Variants in GIN1 observed in about 807,000 individuals in gnomAD.
GIN1 encodes the protein gypsy retrotransposon integrase-like protein 1.
A neutral mutation model predicts 51.4 loss-of-function variants in GIN1; 41 were observed. The observed-to-expected ratio is 0.80, with a 90% CI of 0.62 to 1.04. The LOEUF (loss-of-function observed/expected upper bound fraction) is 1.04, where lower values mean the gene tolerates loss of function less well. GIN1 is among the 50% of genes least tolerant of loss of function. The pLI is 0.00. For synonymous variants in GIN1, 222 were observed against 206.5 expected (o/e 1.07, Z -0.64); for missense variants, 610 against 612.4 (o/e 1.00, Z 0.04).
chr5:103,110,382 T>C (rs782253341), intron 1 of GIN1, among the ~76,000 whole-genome samples: 2 of 152,064 alleles, frequency 1.3e-5, no homozygotes, highest in South Asian at 2.1e-4. Flanking sequence ...AAGGAACTTC[T>C]AAAAATCAAA....
intron 4 of GIN1, among the ~76,000 whole-genome samples, chr5:103,098,649 G>T (rs1231116339): frequency 1.3e-5 from 2 of 151,926 alleles, no homozygotes; most frequent in African/African-American, 4.8e-5. Flanking sequence ...TGTACAGATG[G>T]AGTTTCACCA....
chr5:103,119,023 G>A (rs1053019779), intron 1 of GIN1, among the ~76,000 whole-genome samples: 2 of 150,088 alleles, frequency 1.3e-5, no homozygotes, highest in Non-Finnish European at 3.0e-5. Flanking sequence ...TTGTAGTTTT[G>A]CAAGAGGAAT....
chr5:103,105,395 T>C (rs1191431902), intron 3 of GIN1, among the ~76,000 whole-genome samples: 1 of 152,202 alleles, frequency 6.6e-6, no homozygotes, highest in African/African-American at 2.4e-5. Flanking sequence ...TAAAAAGATC[T>C]TAAGTTTCCT....
At chr5:103,089,337 C>G (rs1427939399) in intron 7 of GIN1, among the ~76,000 whole-genome samples, 1 of 152,208 alleles carries the variant, frequency 6.6e-6, no homozygotes, top group African/African-American at 2.4e-5. Context: ...TTTACCAAAG[C>G]TGATTAACTT....
intron 1 of GIN1, among the ~76,000 whole-genome samples, chr5:103,115,946 A>C (rs1369227241): frequency 2.0e-5 from 3 of 152,076 alleles, no homozygotes; most frequent in Admixed American, 6.5e-5. Flanking sequence ...GAAGAAAATT[A>C]TTTCTTTCTG....
chr5:103,099,513 T>C (rs1474071119), intron 4 of GIN1, among the ~76,000 whole-genome samples: 1 of 152,118 alleles, frequency 6.6e-6, no homozygotes, highest in African/African-American at 2.4e-5. Flanking sequence ...AAAGAATAGG[T>C]GTCATTTGGG....
chr5:103,110,123 T>A (rs257319), intron 1 of GIN1, among the ~76,000 whole-genome samples: 38,779 of 151,146 alleles, frequency 0.26, 5,521 homozygotes, highest in East Asian at 0.45. Context: ...GAAAGATAAA[T>A]AACAATGATT....
chr5:103,108,582 T>A lies in GIN1; in HGVS notation c.126A>T (p.Lys42Asn). 6.3e-7 allele frequency: 1 copy of A among 1,597,418 alleles called. No homozygotes were observed. Among genetic ancestry groups the A allele is most frequent in the Non-Finnish European group, 8.6e-7 (1 of 1,168,662 alleles). Reference sequence around the variant, plus strand: ...CATTAATTTTACCTTTGAAGACAAATTTTTTTGCTGCTCTTCTTATGCCAC... The same window carrying A: ...CATTAATTTTACCTTTGAAGACAAAATTTTTTGCTGCTCTTCTTATGCCAC... ...ERSGIRRAAK[K>N]FVFKEKKLFY... The change falls in exon 2 of 8, where the codon AAA becomes AAT. Residue 42 changes from lysine (K) to asparagine (N), a missense_variant. Lys to Asn is a moderately conservative substitution (Grantham distance 94). Transcript: ENST00000399004.
chr5:103,117,448 G>A (rs1421714903), intron 1 of GIN1, among the ~76,000 whole-genome samples: 1 of 152,024 alleles, frequency 6.6e-6, no homozygotes, highest in East Asian at 1.9e-4. Context: ...TATTGGTCCC[G>A]TAAGATGATA....
intron 4 of GIN1, among the ~76,000 whole-genome samples, chr5:103,098,032 G>A (rs566755629): frequency 2.6e-4 from 39 of 152,054 alleles, no homozygotes; most frequent in Middle Eastern, 3.4e-3. Flanking sequence ...ACAGGTGTGC[G>A]CCACCACACC....
In GIN1 at chr5:103,104,857, C is replaced by T. The variant is rs971674310; in HGVS notation, c.334-11G>A. 6.6e-7 allele frequency: 1 copy of T among 1,520,524 alleles called. No homozygotes were observed. The highest frequency in any genetic ancestry group is 1.4e-5 in the African/African-American group (1 of 72,150). 94.2% of individuals were successfully genotyped at this position (1,520,524 alleles called of 1,614,324 possible). ...CTGACAAGCATATACCTACAACAGG[C>T]ACACAATAAAGAAAACACATACAAA... On this transcript the variant is annotated splice_polypyrimidine_tract_variant and intron_variant, in intron 3 of 7. Transcript: ENST00000399004.
chr5:103,100,111 T>C (rs1164749644), intron 4 of GIN1, among the ~76,000 whole-genome samples: 1 of 150,214 alleles, frequency 6.7e-6, no homozygotes, highest in African/African-American at 2.5e-5. Context: ...CTTTATTTTT[T>C]ATTTTTTTTT....
chr5:103,097,249 A>G (rs962409014), intron 6 of GIN1, 65 bp downstream of exon 6: 35 of 1,009,950 alleles, frequency 3.5e-5, no homozygotes, highest in Non-Finnish European at 5.2e-5. Context: ...ATATGCTGAA[A>G]TTTTAAAAAT....
chr5:103,113,826 G>A (rs1787950970), intron 1 of GIN1, among the ~76,000 whole-genome samples: 1 of 152,042 alleles, frequency 6.6e-6, no homozygotes. Context: ...CCAGCCCCAA[G>A]GTCCAACCTC....
intron 2 of GIN1, among the ~76,000 whole-genome samples, chr5:103,108,281 T>C (rs1787780794): frequency 6.6e-6 from 1 of 152,100 alleles, no homozygotes; most frequent in South Asian, 2.1e-4. Context: ...AAGTGCACCA[T>C]TAGAGACCAC....
At chr5:103,116,739 A>T (rs557763435) in intron 1 of GIN1, among the ~76,000 whole-genome samples, 1 of 152,146 alleles carries the variant, frequency 6.6e-6, no homozygotes, top group Non-Finnish European at 1.5e-5. Flanking sequence ...AAGCTTAACA[A>T]GAAAGCAAAC....
intron 1 of GIN1, among the ~76,000 whole-genome samples, chr5:103,114,310 T>C (rs1210984262): frequency 1.3e-5 from 2 of 152,220 alleles, no homozygotes; most frequent in Non-Finnish European, 2.9e-5. Flanking sequence ...AGGAAGCTAC[T>C]GTATAATTAA....
Position 103,119,617 on chromosome 5 carries a change from C to T in GIN1, c.-8+447G>A, listed in dbSNP as rs147965878. Among the ~76,000 whole-genome samples the T allele has an allele frequency of 1.4e-3, 215 of 152,272 alleles. 1 individual carries two copies. Among genetic ancestry groups the T allele is most frequent in the African/African-American group, 5.1e-3 (211 of 41,556 alleles). ...CTTGACCTCACGTTTCTCCCCGCCA[C>T]GTATTTAAATTTGGGGCAAAATTTC... is the stretch of plus-strand genomic sequence containing the variant. On this transcript the variant is annotated intron_variant, in intron 1 of 7. Coordinates refer to ENST00000399004, the MANE Select transcript of GIN1 (RefSeq NM_017676.2).
intron 1 of GIN1, among the ~76,000 whole-genome samples, chr5:103,119,653 A>G (rs979056895): frequency 4.2e-4 from 64 of 152,268 alleles, no homozygotes; most frequent in African/African-American, 1.5e-3. Flanking sequence ...TGATTAAATG[A>G]CTGATCAAAG....
Sources: gnomAD v4.1 joint callset for allele counts (sites outside exome capture counted in the v4.1 genomes callset) on GRCh38, gnomAD v4.1.1 for gene constraint, MANE v1.5 for transcripts, NCBI Gene and HGNC (gene_info 2026-07-23, HGNC 2026-07-21) for gene names.